Variants in GAD2 observed in about 807,000 individuals in gnomAD.
The protein encoded by GAD2 is glutamate decarboxylase 2.
A neutral mutation model predicts 80.1 loss-of-function variants in GAD2; 22 were observed. That is an observed-to-expected ratio of 0.27 (90% confidence interval 0.20 to 0.39). The LOEUF (loss-of-function observed/expected upper bound fraction) is 0.39. Ranked by LOEUF, GAD2 falls within the 10% of genes least tolerant of loss-of-function variation. The pLI is 1.00. For synonymous variants in GAD2, 274 were observed against 256.9 expected (o/e 1.07, Z -0.64); for missense variants, 624 against 738.4 (o/e 0.85, Z 1.80).
intron 13 of GAD2, among the ~76,000 whole-genome samples, chr10:26,289,767 A>G (rs1834191938): frequency 6.6e-6 from 1 of 151,162 alleles, no homozygotes; most frequent in Non-Finnish European, 1.5e-5. Context: ...TAAGTAAATA[A>G]ACTTAAAATT....
intron 8 of GAD2, among the ~76,000 whole-genome samples, chr10:26,267,782 A>G (rs980875142): frequency 4.6e-5 from 7 of 152,118 alleles, no homozygotes; most frequent in Non-Finnish European, 7.3e-5. Context: ...AAAAAAAAAA[A>G]GGGTCAAAAA....
In GAD2 at chr10:26,293,193, T is replaced by TTTTTC. The variant is rs869296197; in HGVS notation, c.1584+204_1584+205insTTCTT. Among the ~76,000 whole-genome samples the TTTTTC allele has an allele frequency of 1.1e-4, 15 of 137,378 alleles. 1 individual carries two copies. The highest frequency in any genetic ancestry group is 4.8e-4 in the South Asian group (2 of 4,132). The allele number at this position is 137,378 out of a possible 152,430, so 90.1% of individuals were successfully genotyped here. ...TCTTCTTTTTTTTTTTTTTTTTTTT[T>TTTTTC]TTGAGATGGAGTCTCACTGTGTCTT... On this transcript the variant is annotated intron_variant, in intron 15 of 15. Coordinates refer to ENST00000376261, the MANE Select transcript of GAD2 (RefSeq NM_001134366.2).
At chr10:26,283,084 C>T (rs928216607) in intron 12 of GAD2, among the ~76,000 whole-genome samples, 11 of 152,152 alleles carry the variant, frequency 7.2e-5, no homozygotes, top group Non-Finnish European at 8.8e-5. Flanking sequence ...AAGGGAAATG[C>T]GAGCCGGAGG....
intron 6 of GAD2, among the ~76,000 whole-genome samples, chr10:26,228,548 T>G (rs1844558035): frequency 6.6e-6 from 1 of 152,154 alleles, no homozygotes; most frequent in South Asian, 2.1e-4. Context: ...CCCCTGGTGG[T>G]GGATCGGTAC....
intron 11 of GAD2, among the ~76,000 whole-genome samples, chr10:26,278,515 A>T (rs969148170): frequency 1.3e-5 from 2 of 152,184 alleles, no homozygotes; most frequent in African/African-American, 2.4e-5. Flanking sequence ...AAGTGATGAA[A>T]CCTGAACGCA....
chr10:26,295,508 G>GCGCACACACACA (rs1332894396), intron 15 of GAD2, among the ~76,000 whole-genome samples: 1 of 133,822 alleles, frequency 7.5e-6, no homozygotes, highest in Non-Finnish European at 1.6e-5. Flanking sequence ...TCATACGCAT[G>GCGCACACACACA]CACACACACA....
upstream of GAD2, chr10:26,216,691 G>T: frequency 3.1e-6 from 2 of 647,520 alleles, no homozygotes; most frequent in South Asian, 2.4e-5. The surrounding 1 kb of genome is among the most constrained non-coding windows in gnomAD (Gnocchi z 4.7). Context: ...CGGCCCCGCC[G>T]GTCCCCGCGC....
chr10:26,217,730 C>A lies in GAD2; in HGVS notation c.136+61C>A. On this transcript the variant is annotated intron_variant, in intron 2 of 15. Transcript: ENST00000376261. This position sits in a 1 kb window ranked among gnomAD's most constrained non-coding sequence, Gnocchi z 4.9. ...CCGCGGGGTCCAAGCAGTCTTCTCA[C>A]CTCCGCATCCCAGTCAGCGGAGTCG... 1 of 1,593,268 alleles carries A rather than the reference C, an allele frequency of 6.3e-7. No homozygotes were observed. Among genetic ancestry groups the A allele is most frequent in the Non-Finnish European group, 8.6e-7 (1 of 1,168,186 alleles).
At chr10:26,229,487 C>G (rs1396131912) in intron 6 of GAD2, among the ~76,000 whole-genome samples, 175 bp from the exon 7 acceptor site, 1 of 152,082 alleles carries the variant, frequency 6.6e-6, no homozygotes, top group Non-Finnish European at 1.5e-5. Flanking sequence ...CTGTCCTGTC[C>G]CCATGTGCCC....
chr10:26,259,449 T>C (rs1844983561), intron 8 of GAD2, among the ~76,000 whole-genome samples: 1 of 152,186 alleles, frequency 6.6e-6, no homozygotes, highest in South Asian at 2.1e-4. Flanking sequence ...TGGTTTTCAT[T>C]TGCATTTCCC....
At chr10:26,297,729 G>A (rs1834290100) in intron 15 of GAD2, among the ~76,000 whole-genome samples, 1 of 152,186 alleles carries the variant, frequency 6.6e-6, no homozygotes, top group Non-Finnish European at 1.5e-5. Flanking sequence ...TGCAAACTGG[G>A]AAGAGACAGC....
rs137978743 is a variant in GAD2, at chr10:26,255,670, G to T, written c.920+9670G>T. ...GAGGGGAGGGGGAAGGGGAAGGAAA[G>T]AAGGAAGGAAGCAAGGAAAGAAGGA... On this transcript the variant is annotated intron_variant, in intron 8 of 15. Coordinates refer to ENST00000376261, the MANE Select transcript of GAD2 (RefSeq NM_001134366.2). 8.8e-3 allele frequency among the ~76,000 whole-genome samples: 1,333 copies of T among 150,916 alleles called. 21 individuals are homozygous for T. Among genetic ancestry groups the T allele is most frequent in the African/African-American group, 0.031 (1,282 of 40,886 alleles).
chr10:26,216,989 ACTT>A lies in GAD2; in HGVS notation c.76+109_76+111del, dbSNP rs1345275611. 1.5e-4 allele frequency: 146 copies of A among 996,050 alleles called. 4 individuals carry two copies. The South Asian group carries it at 1.9e-3, about 13-fold the overall frequency. 61.7% of individuals were successfully genotyped at this position (996,050 alleles called of 1,614,324 possible). Reference sequence around the variant, plus strand: ...GAGGTTTTTCCACCTGCAACAGGAAACTTCTTCGGGCGCTTCTCCCTGCTTTTG... The same window carrying A: ...GAGGTTTTTCCACCTGCAACAGGAAACTTCGGGCGCTTCTCCCTGCTTTTG... On this transcript the variant is annotated intron_variant, in intron 1 of 15. Transcript: ENST00000376261. This position sits in a 1 kb window ranked among gnomAD's most constrained non-coding sequence, Gnocchi z 4.7.
At chr10:26,232,645 G>A (rs1220938482) in intron 7 of GAD2, among the ~76,000 whole-genome samples, 1 of 151,878 alleles carries the variant, frequency 6.6e-6, no homozygotes, top group African/African-American at 2.4e-5. Context: ...TGGGACTACA[G>A]GCACGTGCCG....
intron 6 of GAD2, among the ~76,000 whole-genome samples, chr10:26,225,111 A>G (rs1213883488): frequency 2.0e-5 from 3 of 152,346 alleles, no homozygotes; most frequent in Non-Finnish European, 2.9e-5. Context: ...TTGAAATAAC[A>G]AGCACCAAAG....
intron 3 of GAD2, among the ~76,000 whole-genome samples, chr10:26,218,732 C>A (rs116730664): frequency 6.6e-6 from 1 of 152,042 alleles, no homozygotes; most frequent in South Asian, 2.1e-4. Flanking sequence ...CTGAGAAACA[C>A]GTTTAAGACG....
At chr10:26,271,496 AAG>A (rs1199740981) in intron 10 of GAD2, among the ~76,000 whole-genome samples, 2 of 152,236 alleles carry the variant, frequency 1.3e-5, no homozygotes, top group Non-Finnish European at 2.9e-5. Flanking sequence ...ATATGAGATA[AAG>A]AGTTTGTGCC....
chr10:26,247,614 G>A (rs189803502), intron 8 of GAD2, among the ~76,000 whole-genome samples: 17 of 152,084 alleles, frequency 1.1e-4, no homozygotes, highest in Admixed American at 9.2e-4. Context: ...CTAAAAATCC[G>A]GCTGGGGGCA....
chr10:26,242,369 G>A (rs763136661), intron 7 of GAD2, among the ~76,000 whole-genome samples: 10 of 152,086 alleles, frequency 6.6e-5, no homozygotes, highest in Non-Finnish European at 1.5e-4. Context: ...CAGCATCCAG[G>A]TGGTTGTTCT....
Sources: gnomAD v4.1 joint callset for allele counts (sites outside exome capture counted in the v4.1 genomes callset) on GRCh38, gnomAD v4.1.1 for gene constraint, Gnocchi (gnomAD v3.1) non-coding constraint, MANE v1.5 for transcripts, NCBI Gene and HGNC (gene_info 2026-07-23, HGNC 2026-07-21) for gene names.